Variants in TALDO1 observed in about 807,000 individuals in gnomAD.
The protein encoded by TALDO1 is transaldolase 1.
TALDO1 carries 29 observed loss-of-function variants against 38.1 expected under a neutral mutation model. That is an observed-to-expected ratio of 0.76 (90% confidence interval 0.57 to 1.04). TALDO1 has a LOEUF of 1.04. Ranked by LOEUF, TALDO1 falls within the 50% of genes least tolerant of loss-of-function variation. The pLI is 0.00. For missense variants in TALDO1, 499 were observed against 438.1 expected, an observed-to-expected ratio of 1.14 and a Z score of -1.24; for synonymous variants, 207 against 176.8, an observed-to-expected ratio of 1.17 and a Z score of -1.36.
At chr11:763,557 G>A in intron 5 of TALDO1, 38 bp downstream of exon 5, 1 of 1,612,014 alleles carries the variant, frequency 6.2e-7, no homozygotes, top group Non-Finnish European at 8.5e-7. Flanking sequence ...AAGGGGAGCA[G>A]CCTCAGCAGC....
At chr11:759,630 A>G (rs1439903006) in intron 3 of TALDO1, among the ~76,000 whole-genome samples, 3 of 151,460 alleles carry the variant, frequency 2.0e-5, no homozygotes, top group African/African-American at 4.9e-5. Flanking sequence ...GCCAGTGTAG[A>G]GTGCAGTGGT....
Position 764,794 on chromosome 11 carries a change from G to C in TALDO1, c.982-19G>C, listed in dbSNP as rs371836450. On this transcript the variant is annotated intron_variant, in intron 7 of 7. Transcript: ENST00000319006. The stretch of plus-strand genomic sequence containing the variant: ...AAGGTAGGGTGGGGAGACACAGCTC[G>C]TGCTCTGTTTGTTTCTAGGAACGAA... 5 of 1,614,184 alleles carry C rather than the reference G, an allele frequency of 3.1e-6. No homozygotes were observed. The highest frequency in any genetic ancestry group is 4.2e-6 in the Non-Finnish European group (5 of 1,180,038).
chr11:761,342 A>G (rs538125294), intron 4 of TALDO1, among the ~76,000 whole-genome samples: 1 of 150,986 alleles, frequency 6.6e-6, no homozygotes, highest in African/African-American at 2.4e-5. Context: ...TCTCAAAAAA[A>G]AAAAAAAAAA....
chr11:762,610 CGT>C (rs1262648237), intron 4 of TALDO1, among the ~76,000 whole-genome samples: 20 of 152,256 alleles, frequency 1.3e-4, no homozygotes, highest in African/African-American at 4.8e-4. Context: ...CGAACACCCC[CGT>C]GTGGCCATGT....
intron 4 of TALDO1, among the ~76,000 whole-genome samples, chr11:761,149 G>A (rs548379679): frequency 6.6e-6 from 1 of 152,000 alleles, no homozygotes; most frequent in African/African-American, 2.4e-5. Flanking sequence ...GGCTGGCCAA[G>A]ATAGTGGAAC....
chr11:752,890 A>C (rs1770108234), intron 1 of TALDO1, among the ~76,000 whole-genome samples: 1 of 152,062 alleles, frequency 6.6e-6, no homozygotes, highest in Non-Finnish European at 1.5e-5. Context: ...GGGAATGGAG[A>C]ATGGTTGGTT....
chr11:751,893 T>C (rs1862757949), intron 1 of TALDO1, among the ~76,000 whole-genome samples: 1 of 152,146 alleles, frequency 6.6e-6, no homozygotes, highest in Non-Finnish European at 1.5e-5. Context: ...TCCTGTCTCA[T>C]AACTCCCACA....
intron 1 of TALDO1, chr11:755,639 T>C: frequency 1.8e-6 from 1 of 557,960 alleles, no homozygotes; most frequent in Non-Finnish European, 3.2e-6. Context: ...AGGTCACCTC[T>C]TGCAGGGGCA....
Position 764,925 on chromosome 11 carries a change from C to T in TALDO1, c.*80C>T, listed in dbSNP as rs72844779. The stretch of plus-strand genomic sequence containing the variant: ...TGCACGTGGCTTCTGATGAATCTTG[C>T]GTTTTTTACAAATTGGAGCAGGGAC... On this transcript the variant is annotated 3_prime_UTR_variant, in exon 8 of 8. Coordinates refer to ENST00000319006, the MANE Select transcript of TALDO1 (RefSeq NM_006755.2). 80 of 1,590,394 alleles carry T rather than the reference C, an allele frequency of 5.0e-5. No homozygotes were observed. The highest frequency in any genetic ancestry group is 5.8e-5 in the Non-Finnish European group (67 of 1,160,200).
rs567606097 is a variant in TALDO1 at position 764,323 on chromosome 11, G to A, written c.871G>A (p.Glu291Lys). 39 of 1,614,260 alleles carry A rather than the reference G, an allele frequency of 2.4e-5. No individual in the cohort carries two copies. The South Asian group carries it at 3.4e-4, about 14-fold the overall frequency. Residue 291 changes from glutamate (E) to lysine (K), a missense_variant, in exon 7 of 8, where the codon GAG (glutamate) becomes AAG (lysine). Glu to Lys is a moderately conservative substitution (Grantham distance 56, BLOSUM62 1). Coordinates refer to ENST00000319006, the MANE Select transcript of TALDO1 (RefSeq NM_006755.2). ...ASDLEKIHLD[E>K]KSFRWLHNED... ...TGACCTGGAAAAAATCCACCTGGATGAGAAGTCTTTCCGTTGGTTGCACAA... is the reference window on the plus strand; with the variant it reads ...TGACCTGGAAAAAATCCACCTGGATAAGAAGTCTTTCCGTTGGTTGCACAA...
At chr11:764,511 CAG>C (rs943583860) in intron 7 of TALDO1, 78 bp downstream of exon 7, 14 of 1,569,430 alleles carry the variant, frequency 8.9e-6, no homozygotes, top group African/African-American at 8.1e-5. Flanking sequence ...TCAAGCTGGG[CAG>C]AGTTAAAACT....
intron 1 of TALDO1, among the ~76,000 whole-genome samples, chr11:748,340 A>C (rs1363238393): frequency 6.6e-6 from 1 of 152,194 alleles, no homozygotes; most frequent in Non-Finnish European, 1.5e-5. Context: ...CCATGAAAGC[A>C]CAGGGTTGGT....
rs56340568 is a variant in TALDO1, at chr11:758,806, C to T, written c.222-144C>T. On this transcript the variant is annotated intron_variant, in intron 2 of 7. Coordinates refer to ENST00000319006, the MANE Select transcript of TALDO1 (RefSeq NM_006755.2). ...ATTTTTAGTGGAGACGGGGTTTCAC[C>T]GTGTTAGCCAGGATGGTCTTGATCT... 94,534 of 576,180 alleles carry T rather than the reference C, an allele frequency of 0.16. 11,398 individuals carry two copies. Among genetic ancestry groups the T allele is most frequent in the African/African-American group, 0.48 (25,363 of 52,404 alleles). 35.7% of individuals were successfully genotyped at this position (576,180 alleles called of 1,614,324 possible).
chr11:759,988 G>C, intron 3 of TALDO1, 134 bp from the exon 4 acceptor site: 1 of 1,255,516 alleles, frequency 8.0e-7, no homozygotes. Context: ...CCAGTGAGGG[G>C]AAGGTTGAGG....
At position 763,784 on chromosome 11, in the gene TALDO1, G is replaced by C. The variant is rs764946113; in HGVS notation, c.675G>C (p.Lys225Asn). 6.2e-7 allele frequency: 1 copy of C among 1,614,028 alleles called. No individual in the cohort carries two copies. Among genetic ancestry groups the C allele is most frequent in the Non-Finnish European group, 8.5e-7 (1 of 1,179,992 alleles). ...KSVTKIYNYY[K>N]KFSYKTIVMG... Reference sequence around the variant, plus strand: ...TCACTAAAATCTACAACTACTACAAGAAGTTTAGCTACAAAACCATTGTCA... The same window carrying C: ...TCACTAAAATCTACAACTACTACAACAAGTTTAGCTACAAAACCATTGTCA... Residue 225 changes from lysine to asparagine, a missense_variant, in exon 6 of 8, where the codon AAG (lysine) becomes AAC (asparagine). By Grantham distance (94) the Lys-to-Asn change is moderately conservative (BLOSUM62 0). Transcript: ENST00000319006.
In TALDO1 at chr11:757,788, A is replaced by G. The variant is rs145938996; in HGVS notation, c.222-1162A>G. Among the ~76,000 whole-genome samples, 111 of 152,330 alleles carry G rather than the reference A, an allele frequency of 7.3e-4. No individual in the cohort carries two copies. The East Asian group carries it at 0.017, about 23-fold the overall frequency. On this transcript the variant is annotated intron_variant, in intron 2 of 7. Transcript: ENST00000319006. ...GGATGCAGTTTGGGATGATGAAAAG[A>G]GCTCTGGAGATGGATGGTGATGGTT...
At chr11:755,134 CCT>C (rs1862810589) in intron 1 of TALDO1, among the ~76,000 whole-genome samples, 3 of 122,014 alleles carry the variant, frequency 2.5e-5, no homozygotes, top group Non-Finnish European at 3.3e-5. Context: ...TTCCCCTTGG[CCT>C]TTTTTTTTTT....
intron 1 of TALDO1, among the ~76,000 whole-genome samples, chr11:753,526 G>A (rs574482102): frequency 8.6e-5 from 13 of 151,086 alleles, no homozygotes; most frequent in South Asian, 2.1e-4. Flanking sequence ...GCGAGACTCC[G>A]TCTCAAAAAA....
At chr11:760,071 T>C (rs1427920347) in intron 3 of TALDO1, 51 bp from the exon 4 acceptor site, 75 of 1,611,088 alleles carry the variant, frequency 4.7e-5, no homozygotes, top group Non-Finnish European at 6.3e-5. Flanking sequence ...TTGCTCTGCG[T>C]GGTGGGCAAC....
Sources: allele counts gnomAD v4.1 joint callset (sites outside exome capture counted in the v4.1 genomes callset), GRCh38; gene constraint gnomAD v4.1.1; transcripts MANE v1.5; gene names NCBI Gene and HGNC (gene_info 2026-07-23, HGNC 2026-07-21).